The following CAB39 variants were observed in gnomAD, a reference collection of about 807,000 sequenced individuals.
CAB39 encodes the protein calcium binding protein 39, also known as calcium-binding protein 39.
A neutral mutation model predicts 40.0 loss-of-function variants in CAB39; 8 were observed. The observed-to-expected ratio is 0.20, with a 90% CI of 0.12 to 0.36. The LOEUF (loss-of-function observed/expected upper bound fraction) is 0.36, where lower values mean the gene tolerates loss of function less well. Among genes scored for constraint, CAB39 ranks in the 10% least tolerant of loss-of-function variants. The pLI, the probability that CAB39 is intolerant of heterozygous loss-of-function variation, is 1.00. For missense variants in CAB39, 270 were observed against 401.1 expected (o/e 0.67, Z 2.79); for synonymous variants, 156 against 141.6 (o/e 1.10, Z -0.72).
chr2:230,803,386 G>A (rs1303775039), intron 5 of CAB39, among the ~76,000 whole-genome samples: 1 of 152,188 alleles, frequency 6.6e-6, no homozygotes, highest in Non-Finnish European at 1.5e-5. Flanking sequence ...ATTCAACATA[G>A]TGTTGGAAGT....
chr2:230,748,007 A>G (rs1056314492), intron 1 of CAB39, among the ~76,000 whole-genome samples: 1 of 152,210 alleles, frequency 6.6e-6, no homozygotes, highest in Admixed American at 6.5e-5. Context: ...CTTGATTGCC[A>G]AAATATCTTT....
intron 2 of CAB39, among the ~76,000 whole-genome samples, chr2:230,774,608 G>C (rs1695552816): frequency 6.6e-6 from 1 of 152,166 alleles, no homozygotes; most frequent in Non-Finnish European, 1.5e-5. Context: ...CTTATAGGTG[G>C]TTCCCTTCCT....
chr2:230,773,539 A>G (rs1464926802), intron 2 of CAB39, among the ~76,000 whole-genome samples: 1 of 152,006 alleles, frequency 6.6e-6, no homozygotes, highest in East Asian at 1.9e-4. Context: ...ATTATCTTCT[A>G]CTCTGTATAG....
intron 1 of CAB39, among the ~76,000 whole-genome samples, chr2:230,744,935 C>G (rs1694946997): frequency 6.6e-6 from 1 of 152,214 alleles, no homozygotes; most frequent in African/African-American, 2.4e-5. Context: ...ACTCTTTTCT[C>G]TAAGCAAATA....
chr2:230,771,349 A>C (rs1331381459), intron 2 of CAB39, among the ~76,000 whole-genome samples: 1 of 152,204 alleles, frequency 6.6e-6, no homozygotes, highest in Non-Finnish European at 1.5e-5. Context: ...TAGCATTTAG[A>C]ATAGCATCAA....
intron 2 of CAB39, among the ~76,000 whole-genome samples, chr2:230,783,196 T>G (rs920993967): frequency 2.0e-5 from 3 of 152,150 alleles, no homozygotes; most frequent in Non-Finnish European, 4.4e-5. Flanking sequence ...CTTGGGGACT[T>G]GTCCACACTA....
chr2:230,750,681 A>G (rs797011246), intron 1 of CAB39, among the ~76,000 whole-genome samples: 7 of 152,334 alleles, frequency 4.6e-5, no homozygotes, highest in African/African-American at 1.4e-4. Context: ...CCATTCATCC[A>G]AAAGCTGAAT....
intron 2 of CAB39, among the ~76,000 whole-genome samples, chr2:230,781,310 G>A (rs941066304): frequency 2.6e-5 from 4 of 152,142 alleles, no homozygotes; most frequent in Admixed American, 2.0e-4. Context: ...AAGTGGAGCC[G>A]TCTTGAAATA....
At chr2:230,774,623 A>G (rs1695553285) in intron 2 of CAB39, among the ~76,000 whole-genome samples, 1 of 152,122 alleles carries the variant, frequency 6.6e-6, no homozygotes, top group Admixed American at 6.6e-5. Context: ...CTTCCTTACG[A>G]TGAATGCTTG....
chr2:230,757,864 G>A (rs1268230713), intron 1 of CAB39, among the ~76,000 whole-genome samples: 1 of 152,088 alleles, frequency 6.6e-6, no homozygotes, highest in Non-Finnish European at 1.5e-5. Flanking sequence ...AATGATCCAG[G>A]AAAAGGAAAA....
intron 2 of CAB39, among the ~76,000 whole-genome samples, chr2:230,774,282 T>C (rs1001538188): frequency 6.6e-6 from 1 of 152,190 alleles, no homozygotes; most frequent in Non-Finnish European, 1.5e-5. Flanking sequence ...GTTTATTCCT[T>C]TATTTGTTAT....
chr2:230,724,420 C>T (rs1694516207), intron 1 of CAB39, among the ~76,000 whole-genome samples: 2 of 150,848 alleles, frequency 1.3e-5, no homozygotes, highest in African/African-American at 4.9e-5. Context: ...GGTGGCTCGC[C>T]CCTGTAATCC....
At chr2:230,803,233 C>T (rs954302353) in intron 5 of CAB39, among the ~76,000 whole-genome samples, 2 of 152,160 alleles carry the variant, frequency 1.3e-5, no homozygotes, top group African/African-American at 4.8e-5. Flanking sequence ...TCTCAATAAA[C>T]TAGGTATTGA....
intron 2 of CAB39, among the ~76,000 whole-genome samples, chr2:230,772,732 G>A (rs1186969383): frequency 6.6e-6 from 1 of 151,742 alleles, no homozygotes. Flanking sequence ...TGATCTGCCT[G>A]CTTCGGCCTC....
intron 7 of CAB39, among the ~76,000 whole-genome samples, chr2:230,816,493 G>A (rs781778763): frequency 5.3e-5 from 8 of 152,176 alleles, no homozygotes; most frequent in Non-Finnish European, 1.0e-4. Context: ...TAAAGCCTAA[G>A]TAAAATAGAT....
intron 5 of CAB39, among the ~76,000 whole-genome samples, chr2:230,800,925 C>A (rs1051466006): frequency 1.3e-5 from 2 of 151,940 alleles, no homozygotes; most frequent in Non-Finnish European, 2.9e-5. Flanking sequence ...AGTGATGGAT[C>A]GCTATGGGTA....
chr2:230,774,111 C>CT (rs1339539547), intron 2 of CAB39, among the ~76,000 whole-genome samples: 1 of 152,176 alleles, frequency 6.6e-6, no homozygotes, highest in East Asian at 1.9e-4. Flanking sequence ...AGGCTTATTA[C>CT]TTTGACTCAT....
chr2:230,717,126 G>A (rs1296261699), intron 1 of CAB39, among the ~76,000 whole-genome samples: 1 of 152,166 alleles, frequency 6.6e-6, no homozygotes, highest in African/African-American at 2.4e-5. Flanking sequence ...GACTGTGGAA[G>A]GTGGATTAAT....
At chr2:230,767,093 C>G (rs1044778108) in intron 2 of CAB39, among the ~76,000 whole-genome samples, 2 of 152,162 alleles carry the variant, frequency 1.3e-5, no homozygotes, top group Non-Finnish European at 2.9e-5. Flanking sequence ...GCCATTTCTT[C>G]CCAAATCATG....
Sources: gnomAD v4.1 joint callset for allele counts (sites outside exome capture counted in the v4.1 genomes callset) on GRCh38, gnomAD v4.1.1 for gene constraint, MANE v1.5 for transcripts, NCBI Gene and HGNC (gene_info 2026-07-23, HGNC 2026-07-21) for gene names.